MDGA2: variants seen among roughly 807,000 people sequenced by gnomAD.
MDGA2 encodes MAM domain containing glycosylphosphatidylinositol anchor 2, also known as MAM domain-containing glycosylphosphatidylinositol anchor protein 2.
A neutral mutation model predicts 117.8 loss-of-function variants in MDGA2; 40 were observed. The observed-to-expected ratio is 0.34, with a 90% confidence interval of 0.26 to 0.44. MDGA2 has a LOEUF of 0.44. Among genes scored for constraint, MDGA2 ranks in the 20% least tolerant of loss-of-function variants. The pLI is 1.00. For missense variants in MDGA2, 1,123 were observed against 1,250.6 expected, an observed-to-expected ratio of 0.90 and a Z score of 1.54; for synonymous variants, 452 against 439.0, an observed-to-expected ratio of 1.03 and a Z score of -0.37.
chr14:47,540,563 T>TATATATATATATAC (rs370481455), intron 1 of MDGA2, among the ~76,000 whole-genome samples: 38 of 112,510 alleles, frequency 3.4e-4, no homozygotes, highest in African/African-American at 5.3e-4. Context: ...TGTATATATA[T>TATATATATATATAC]ACACACACAC....
At chr14:47,470,675 C>T (rs1319732028) in intron 1 of MDGA2, among the ~76,000 whole-genome samples, 2 of 152,138 alleles carry the variant, frequency 1.3e-5, no homozygotes, top group African/African-American at 2.4e-5. Flanking sequence ...GTTCTAGATC[C>T]TTGAGGAATA....
intron 1 of MDGA2, among the ~76,000 whole-genome samples, chr14:47,354,370 C>T (rs769727770): frequency 3.3e-5 from 5 of 152,094 alleles, no homozygotes; most frequent in Non-Finnish European, 5.9e-5. Context: ...TCAAAAAGTT[C>T]TAGGAAGAAG....
intron 1 of MDGA2, among the ~76,000 whole-genome samples, chr14:47,388,292 C>T (rs1047562887): frequency 6.6e-6 from 1 of 152,128 alleles, no homozygotes; most frequent in African/African-American, 2.4e-5. Context: ...AAATTAAATA[C>T]TGTCCACCAT....
At chr14:47,365,716 C>G (rs147756200) in intron 1 of MDGA2, among the ~76,000 whole-genome samples, 5 of 152,312 alleles carry the variant, frequency 3.3e-5, no homozygotes, top group Admixed American at 6.5e-5. Context: ...GAGAGGAAAT[C>G]CAGAAGGAAG....
chr14:47,226,838 T>G (rs1010154319), intron 2 of MDGA2, among the ~76,000 whole-genome samples: 6 of 151,974 alleles, frequency 3.9e-5, no homozygotes, highest in Non-Finnish European at 4.4e-5. Context: ...TAAGAAAAAT[T>G]TTCCTCCCCA....
At chr14:47,492,883 G>A (rs1057405474) in intron 1 of MDGA2, among the ~76,000 whole-genome samples, 4 of 152,024 alleles carry the variant, frequency 2.6e-5, no homozygotes, top group African/African-American at 9.7e-5. Flanking sequence ...TTCAAGGTGA[G>A]ACAGTTATAT....
chr14:47,459,030 G>A (rs879699480), intron 1 of MDGA2, among the ~76,000 whole-genome samples: 1 of 151,140 alleles, frequency 6.6e-6, no homozygotes. Flanking sequence ...TGAAATTAAG[G>A]CCGTCTATAA....
chr14:47,575,980 A>G (rs1346805088), intron 1 of MDGA2, among the ~76,000 whole-genome samples: 1 of 152,174 alleles, frequency 6.6e-6, no homozygotes, highest in Non-Finnish European at 1.5e-5. Flanking sequence ...AAGAACTATT[A>G]TATATATTCC....
chr14:47,651,408 T>C (rs544805052), intron 1 of MDGA2, among the ~76,000 whole-genome samples: 11 of 152,222 alleles, frequency 7.2e-5, no homozygotes, highest in African/African-American at 2.6e-4. Context: ...TAAAAATCAC[T>C]GTATCTCCAC....
At chr14:47,107,265 C>A (rs569306006) in intron 5 of MDGA2, among the ~76,000 whole-genome samples, 1 of 152,162 alleles carries the variant, frequency 6.6e-6, no homozygotes, top group South Asian at 2.1e-4. Context: ...ACTCTCCTTA[C>A]AGTTCCCCCA....
rs565895871 is a variant in MDGA2 at position 47,192,308 on chromosome 14, T to C, written c.595+25713A>G. ...CAGACCAGAAGAAAAACAATTGCTT[T>C]TCTAATACTTTGAAAGGAGGTATGG... On this transcript the variant is annotated intron_variant, in intron 3 of 16. Coordinates refer to ENST00000399232, the MANE Select transcript of MDGA2 (RefSeq NM_001113498.3). 1.6e-3 allele frequency among the ~76,000 whole-genome samples: 242 copies of C among 152,178 alleles called. 1 individual carries two copies. Among genetic ancestry groups the C allele is most frequent in the African/African-American group, 5.6e-3 (234 of 41,538 alleles).
At chr14:47,191,461 C>T in intron 3 of MDGA2, among the ~76,000 whole-genome samples, 1 of 148,836 alleles carries the variant, frequency 6.7e-6, no homozygotes, top group Non-Finnish European at 1.5e-5. Context: ...ATATTATCAC[C>T]AATTTTTATA....
intron 3 of MDGA2, among the ~76,000 whole-genome samples, chr14:47,171,493 G>T (rs1040808396): frequency 6.6e-6 from 1 of 152,116 alleles, no homozygotes; most frequent in African/African-American, 2.4e-5. Context: ...TACTTTTCTA[G>T]GATTCTTCTC....
chr14:47,306,098 C>T (rs551250863), intron 1 of MDGA2: 1 of 152,272 alleles, frequency 6.6e-6, no homozygotes, highest in African/African-American at 2.4e-5. Context: ...ACAGCCTTAT[C>T]AGCTTGCCAC....
At chr14:47,355,613 G>A (rs1890977240) in intron 1 of MDGA2, among the ~76,000 whole-genome samples, 1 of 152,020 alleles carries the variant, frequency 6.6e-6, no homozygotes, top group East Asian at 1.9e-4. Flanking sequence ...AACTGCCAGA[G>A]AAAGTGCTCC....
intron 1 of MDGA2, among the ~76,000 whole-genome samples, chr14:47,426,275 G>C (rs1474550042): frequency 2.6e-5 from 4 of 152,076 alleles, no homozygotes; most frequent in African/African-American, 9.7e-5. Flanking sequence ...AGTTATTACA[G>C]TGGTGATCTA....
Position 47,053,601 on chromosome 14 carries a change from GTATATATATATATATA to G in MDGA2, c.1525+7632_1525+7647del, listed in dbSNP as rs373802720. Among the ~76,000 whole-genome samples, 405 of 107,510 alleles carry G rather than the reference GTATATATATATATATA, an allele frequency of 3.8e-3. 7 individuals are homozygous for G. The highest frequency in any genetic ancestry group is 0.011 in the Middle Eastern group (2 of 178). 70.5% of individuals were successfully genotyped at this position (107,510 alleles called of 152,430 possible). ...TAGCAAATACTCCTAGTGTGTATGT[GTATATATATATATATA>G]TATATATATATATATATATATATAT... On this transcript the variant is annotated intron_variant, in intron 7 of 16. Transcript: ENST00000399232.
At chr14:46,926,733 T>C (rs897127701) in intron 9 of MDGA2, among the ~76,000 whole-genome samples, 4 of 152,160 alleles carry the variant, frequency 2.6e-5, no homozygotes, top group African/African-American at 9.6e-5. Flanking sequence ...CAGGCATTTT[T>C]CTAAATGTTT....
At chr14:47,106,492 C>T (rs1041676250) in intron 5 of MDGA2, among the ~76,000 whole-genome samples, 1 of 151,914 alleles carries the variant, frequency 6.6e-6, no homozygotes, top group African/African-American at 2.4e-5. Context: ...CAAGGAATGC[C>T]CGCAGCCTGG....
Sources: gnomAD v4.1 joint callset for allele counts (sites outside exome capture counted in the v4.1 genomes callset) on GRCh38, gnomAD v4.1.1 for gene constraint, MANE v1.5 for transcripts, NCBI Gene and HGNC (gene_info 2026-07-23, HGNC 2026-07-21) for gene names.